Variants in SLC39A12 observed in about 807,000 individuals in gnomAD.
SLC39A12 encodes solute carrier family 39 member 12.
Under a neutral mutation model 71.1 loss-of-function variants are expected in SLC39A12, and 63 were observed. The ratio of observed to expected loss-of-function variants is 0.89; its 90% confidence interval spans 0.72 to 1.09. The LOEUF is 1.09. Among genes scored for constraint, SLC39A12 ranks in the 50% least tolerant of loss-of-function variants. The probability of loss-of-function intolerance (pLI) is 0.00; values close to 1 mark genes in which losing one functional copy is unlikely to be tolerated. For synonymous variants in SLC39A12, 351 were observed against 301.3 expected (o/e 1.16, Z -1.71); for missense variants, 892 against 812.6 (o/e 1.10, Z -1.19).
chr10:18,005,784 C>T (rs1300224807), intron 12 of SLC39A12: 2 of 151,986 alleles, frequency 1.3e-5, no homozygotes, highest in African/African-American at 4.8e-5. Flanking sequence ...TTCCAGCTGG[C>T]ATAAATCTTG....
At chr10:17,972,023 GT>G (rs1189835978) in intron 4 of SLC39A12, among the ~76,000 whole-genome samples, 3 of 152,070 alleles carry the variant, frequency 2.0e-5, no homozygotes, top group Non-Finnish European at 2.9e-5. Flanking sequence ...GATTTGGTAT[GT>G]TGTGTTTCCA....
At chr10:18,039,679 G>A (rs1048032315) in intron 12 of SLC39A12, among the ~76,000 whole-genome samples, 1 of 152,102 alleles carries the variant, frequency 6.6e-6, no homozygotes, top group Admixed American at 6.6e-5. Context: ...AGTGAGCTAT[G>A]ATCACATCAC....
chr10:18,027,995 A>G (rs1183036416), intron 12 of SLC39A12, among the ~76,000 whole-genome samples: 1 of 152,212 alleles, frequency 6.6e-6, no homozygotes, highest in African/African-American at 2.4e-5. Context: ...TTTCTTCTTT[A>G]TCACATTTCT....
chr10:18,036,556 C>G (rs1837028165), intron 12 of SLC39A12, among the ~76,000 whole-genome samples: 1 of 151,826 alleles, frequency 6.6e-6, no homozygotes, highest in South Asian at 2.1e-4. Context: ...TCCGGCACTC[C>G]CTAGTGAGAT....
At chr10:17,980,829 C>T (rs1835235435) in intron 5 of SLC39A12, among the ~76,000 whole-genome samples, 1 of 152,108 alleles carries the variant, frequency 6.6e-6, no homozygotes, top group African/African-American at 2.4e-5. Context: ...AAAAATTTTA[C>T]CTTTACTTTT....
chr10:17,995,714 A>G lies in SLC39A12; in HGVS notation c.1592A>G (p.Asn531Ser), dbSNP rs1835667186. 6.2e-7 allele frequency: 1 copy of G among 1,612,956 alleles called. No homozygotes were observed. Among genetic ancestry groups the G allele is most frequent in the East Asian group, 2.2e-5 (1 of 44,852 alleles). ...CCTATAGGCAGTATGACAGCCTCCA[A>G]CAGAAAATGTGAGTACCAAGCTAAA... ...EMPIGSMTASNRKCKAISLLA... is the reference protein window; with the variant it reads ...EMPIGSMTASSRKCKAISLLA... Residue 531 changes from asparagine (N) to serine (S), a missense_variant, in exon 10 of 13, where the codon AAC (asparagine) becomes AGC (serine). Asn to Ser is a conservative substitution (Grantham distance 46). Transcript: ENST00000377369.
intron 2 of SLC39A12, among the ~76,000 whole-genome samples, chr10:17,954,934 C>A (rs692635): frequency 0.34 from 51,439 of 151,822 alleles, 9,146 homozygotes; most frequent in Admixed American, 0.39. Context: ...ATAAATAATT[C>A]AATAATTATT....
chr10:18,009,986 C>T (rs1160549064), intron 12 of SLC39A12, among the ~76,000 whole-genome samples: 1 of 152,166 alleles, frequency 6.6e-6, no homozygotes, highest in African/African-American at 2.4e-5. Context: ...AAACATCCAC[C>T]TTTCTAGCCA....
chr10:17,987,066 C>T (rs935439114), intron 6 of SLC39A12, among the ~76,000 whole-genome samples: 2 of 152,204 alleles, frequency 1.3e-5, no homozygotes, highest in African/African-American at 4.8e-5. Flanking sequence ...AGTGGGCTTA[C>T]AACTGTAATC....
At chr10:17,973,828 C>T (rs1298737420) in intron 4 of SLC39A12, among the ~76,000 whole-genome samples, 1 of 150,488 alleles carries the variant, frequency 6.6e-6, no homozygotes, top group Non-Finnish European at 1.5e-5. Flanking sequence ...ACTTTCTACC[C>T]CTATCTCTCT....
At chr10:17,956,288 G>T (rs1210042300) in intron 2 of SLC39A12, among the ~76,000 whole-genome samples, 3 of 151,898 alleles carry the variant, frequency 2.0e-5, no homozygotes, top group Admixed American at 6.6e-5. Flanking sequence ...GGATCTCATG[G>T]ACATGTGCTC....
At chr10:18,025,226 T>C (rs978990835) in intron 12 of SLC39A12, among the ~76,000 whole-genome samples, 3 of 56,128 alleles carry the variant, frequency 5.3e-5, no homozygotes, top group Non-Finnish European at 1.1e-4. Flanking sequence ...TGTTTTCTCT[T>C]TTTATTTTTA....
intron 7 of SLC39A12, among the ~76,000 whole-genome samples, chr10:17,990,623 C>T (rs1202331727): frequency 2.6e-5 from 4 of 152,042 alleles, no homozygotes; most frequent in East Asian, 1.9e-4. Flanking sequence ...AGAGACCTGA[C>T]AATATTGTCA....
At chr10:18,013,116 A>G (rs903191261) in intron 12 of SLC39A12, among the ~76,000 whole-genome samples, 1 of 151,522 alleles carries the variant, frequency 6.6e-6, no homozygotes, top group South Asian at 2.1e-4. Flanking sequence ...ATATTGTAAT[A>G]TTATAATCTT....
chr10:18,030,233 C>G (rs1294863201), intron 12 of SLC39A12, among the ~76,000 whole-genome samples: 1 of 151,574 alleles, frequency 6.6e-6, no homozygotes, highest in Admixed American at 6.6e-5. Context: ...ACTGTTTGCC[C>G]ATATCTATGA....
chr10:18,000,290 T>A lies in SLC39A12; in HGVS notation c.1601-377T>A, dbSNP rs75616782. ...TTTGGAGAGACACAAACATTTAGTC[T>A]ATAGCAAGTTTCTTAAATTATTTTT... On this transcript the variant is annotated intron_variant, in intron 10 of 12. Transcript: ENST00000377369. Among the ~76,000 whole-genome samples the A allele has an allele frequency of 2.3e-3, 353 of 152,316 alleles. 14 individuals carry two copies. The East Asian group carries it at 0.064, about 27-fold the overall frequency.
chr10:17,990,204 C>A (rs534209967), intron 7 of SLC39A12, among the ~76,000 whole-genome samples: 9 of 152,066 alleles, frequency 5.9e-5, no homozygotes, highest in African/African-American at 2.2e-4. Context: ...AGGTGGGTAT[C>A]CTTAAATGCC....
chr10:17,981,961 A>G (rs1466381205), intron 6 of SLC39A12, among the ~76,000 whole-genome samples: 1 of 152,158 alleles, frequency 6.6e-6, no homozygotes, highest in African/African-American at 2.4e-5. Context: ...TTTTTTCCTC[A>G]GAGACTTTGT....
At chr10:18,030,154 C>T (rs1441148565) in intron 12 of SLC39A12, among the ~76,000 whole-genome samples, 4 of 151,980 alleles carry the variant, frequency 2.6e-5, no homozygotes, top group East Asian at 1.9e-4. Context: ...CATAGGCCAC[C>T]GAAATTGAAA....
Sources: allele counts gnomAD v4.1 joint callset (sites outside exome capture counted in the v4.1 genomes callset), GRCh38; gene constraint gnomAD v4.1.1; transcripts MANE v1.5; gene names NCBI Gene and HGNC (gene_info 2026-07-23, HGNC 2026-07-21).